The following SYDE2 variants were observed in gnomAD, a reference collection of about 807,000 sequenced individuals.
SYDE2 encodes synapse defective Rho GTPase homolog 2.
SYDE2 carries 76 observed loss-of-function variants against 91.5 expected under a neutral mutation model. The observed-to-expected ratio is 0.83, with a 90% confidence interval of 0.69 to 1.01. The LOEUF (loss-of-function observed/expected upper bound fraction) is 1.01. Ranked by LOEUF, SYDE2 falls within the 50% of genes least tolerant of loss-of-function variation. SYDE2 has a pLI of 0.00. For synonymous variants in SYDE2, 513 were observed against 506.4 expected (o/e 1.01, Z -0.18); for missense variants, 1,364 against 1,367.7 (o/e 1.00, Z 0.04).
chr1:85,159,027 G>A lies in SYDE2; in HGVS notation c.3308C>T (p.Thr1103Ile), dbSNP rs776464579. ...SSCGENYFLN[T>I]KENLNDVDYD... ...ATCCACATCATTTAAATTTTCTTTT[G>A]TATTTAAAAAGTAGTTTTCCCCACA... The change falls in exon 7 of 7, where the codon ACA (threonine) becomes ATA (isoleucine). Residue 1103 changes from threonine to isoleucine, a missense_variant. Thr to Ile is a moderately conservative substitution (Grantham distance 89). Transcript: ENST00000341460. 5 of 780,616 alleles carry A rather than the reference G, an allele frequency of 6.4e-6. No individual in the cohort carries two copies. The highest frequency in any genetic ancestry group is 7.2e-6 in the Non-Finnish European group (3 of 417,926). The allele number at this position is 780,616 out of a possible 1,614,324, so 48.4% of individuals were successfully genotyped here. A position where few individuals can be genotyped will look rare whatever the true frequency, so the allele number is the denominator to read the frequency against.
rs760136371 is a variant in SYDE2 at position 85,200,375 on chromosome 1, G to A, written c.622C>T (p.Arg208Cys). The change falls in exon 1 of 7, where the codon CGT becomes TGT. Residue 208 changes from arginine (R) to cysteine (C), a missense_variant. Coordinates refer to ENST00000341460, the MANE Select transcript of SYDE2 (RefSeq NM_032184.2). ...ACTTTGGGAGCCGTCCCACGGGCAC[G>A]ACCCTTCATTCCCAGGGACAGCAGA... ...GRLLSLGMKG[R>C]ARGTAPKVTG... The A allele has an allele frequency of 3.1e-6, 5 of 1,614,024 alleles. No homozygotes were observed. The South Asian group carries it at 4.4e-5, about 14-fold the overall frequency.
chr1:85,175,602 T>C (rs1262560515), intron 4 of SYDE2, among the ~76,000 whole-genome samples: 1 of 152,236 alleles, frequency 6.6e-6, no homozygotes, highest in African/African-American at 2.4e-5. Context: ...ACAAACCAAC[T>C]ACTAAAAACA....
intron 1 of SYDE2, among the ~76,000 whole-genome samples, chr1:85,198,077 C>G (rs1054947097): frequency 6.6e-6 from 1 of 152,178 alleles, no homozygotes; most frequent in African/African-American, 2.4e-5. Context: ...TCAATCCAAG[C>G]AATTTAATAG....
chr1:85,161,071 AC>A (rs773565565), intron 6 of SYDE2: 71 of 984,924 alleles, frequency 7.2e-5, no homozygotes, highest in Non-Finnish European at 7.7e-5. Context: ...GCTAATTTTA[AC>A]CTCAAAAGTT....
In SYDE2 at chr1:85,178,156, A is replaced by C. The variant is rs1371890989; in HGVS notation, c.2661T>G (p.Asn887Lys). 3.2e-5 allele frequency: 51 copies of C among 1,572,768 alleles called. No individual in the cohort carries two copies. The highest frequency in any genetic ancestry group is 4.1e-5 in the Non-Finnish European group (48 of 1,157,690). Residue 887 changes from asparagine (N) to lysine (K), a missense_variant, in exon 4 of 7, where the codon AAT becomes AAG. Physicochemically the swap from Asn to Lys is moderately conservative, Grantham distance 94 (BLOSUM62 0). Coordinates refer to ENST00000341460, the MANE Select transcript of SYDE2 (RefSeq NM_032184.2). The stretch of plus-strand genomic sequence containing the variant: ...AAATCTATTTATTACCTGTTATTAC[A>C]TTTATATCTGGGTACTGGTTTTCAC... ...GLCENQYPDI[N>K]VITGVLKDYL...
Position 85,158,070 on chromosome 1 carries a change from G to T in SYDE2, c.*680C>A, listed in dbSNP as rs183225646. On this transcript the variant is annotated 3_prime_UTR_variant, in exon 7 of 7. Coordinates refer to ENST00000341460, the MANE Select transcript of SYDE2 (RefSeq NM_032184.2). Reference sequence around the variant, plus strand: ...ACTGCAAATCAGACTGAGCAGCTGTGATGTTCCTCTAAAAGAACATCTAGA... The same window carrying T: ...ACTGCAAATCAGACTGAGCAGCTGTTATGTTCCTCTAAAAGAACATCTAGA... 8.9e-3 allele frequency: 1,353 copies of T among 152,302 alleles called. 8 individuals are homozygous for T. The highest frequency in any genetic ancestry group is 0.024 in the Middle Eastern group (7 of 294). 9.4% of individuals were successfully genotyped at this position (152,302 alleles called of 1,614,324 possible).
downstream of SYDE2, chr1:85,153,382 T>G (rs910811736): frequency 3.9e-5 from 6 of 152,164 alleles, no homozygotes; most frequent in Non-Finnish European, 7.3e-5. Context: ...TGTTGATGGC[T>G]GGGATATACA....
intron 1 of SYDE2, among the ~76,000 whole-genome samples, chr1:85,194,290 G>C (rs1658494952): frequency 1.3e-5 from 2 of 150,830 alleles, no homozygotes; most frequent in African/African-American, 4.8e-5. Flanking sequence ...ATAAATTTAA[G>C]AGTTTTAGCT....
intron 4 of SYDE2, among the ~76,000 whole-genome samples, chr1:85,169,781 T>C (rs754128037): frequency 6.6e-5 from 10 of 152,146 alleles, no homozygotes; most frequent in Non-Finnish European, 2.9e-5. Context: ...GAAAAAATCA[T>C]TCCTAAAACC....
At chr1:85,170,824 T>C (rs1035776110) in intron 4 of SYDE2, among the ~76,000 whole-genome samples, 1 of 152,350 alleles carries the variant, frequency 6.6e-6, no homozygotes, top group Admixed American at 6.5e-5. Context: ...ATTCAGTCTC[T>C]TACAGATGGA....
intron 3 of SYDE2, chr1:85,181,317 AATTTTTGT>A (rs1657912580): frequency 6.6e-6 from 1 of 152,056 alleles, no homozygotes. Context: ...ATGTCGGGCT[AATTTTTGT>A]ATTTTTAGTA....
intron 6 of SYDE2, chr1:85,160,477 A>C (rs922822798): frequency 2.1e-6 from 2 of 965,614 alleles, no homozygotes; most frequent in African/African-American, 3.5e-5. Flanking sequence ...TCTTGATCTA[A>C]AATTTTCTAG....
Position 85,183,089 on chromosome 1 carries a change from TC to T in SYDE2, c.1552del (p.Asp518IlefsTer3), listed in dbSNP as rs1369285471. ...CACAGTTCGTGGAGATTTTATTTTA[TC>T]TGGCAATGACCAATTAATTGAACTG... ...KGSSINWSLPDKIKSPRTVRK... is the reference protein window; with the variant it reads ...KGSSINWSLPXKIKSPRTVRK... On this transcript the variant is annotated frameshift_variant, in exon 3 of 7. Coordinates refer to ENST00000341460, the MANE Select transcript of SYDE2 (RefSeq NM_032184.2). LOFTEE classifies it high-confidence loss of function. 4 of 1,613,600 alleles carry T rather than the reference TC, an allele frequency of 2.5e-6. No individual in the cohort carries two copies. The highest frequency in any genetic ancestry group is 3.4e-6 in the Non-Finnish European group (4 of 1,179,786).
At chr1:85,175,344 C>CA (rs1253054634) in intron 4 of SYDE2, among the ~76,000 whole-genome samples, 3 of 151,982 alleles carry the variant, frequency 2.0e-5, no homozygotes, top group African/African-American at 7.3e-5. Context: ...TACTAAAATA[C>CA]AAAAAACTAG....
intron 1 of SYDE2, chr1:85,194,655 T>A (rs909019216): frequency 2.4e-5 from 5 of 210,308 alleles, no homozygotes; most frequent in Non-Finnish European, 4.1e-5. Flanking sequence ...AATTTTACTT[T>A]GAATCTGTAA....
At chr1:85,195,538 C>A (rs1182595861) in intron 1 of SYDE2, among the ~76,000 whole-genome samples, 1 of 151,390 alleles carries the variant, frequency 6.6e-6, no homozygotes, top group Non-Finnish European at 1.5e-5. Context: ...TTTTTATTTT[C>A]ATTCCCTTGT....
chr1:85,174,406 C>T (rs1211945344), intron 4 of SYDE2, among the ~76,000 whole-genome samples: 1 of 151,992 alleles, frequency 6.6e-6, no homozygotes, highest in Non-Finnish European at 1.5e-5. Flanking sequence ...GAACATTTAC[C>T]ACAAAAGACC....
Position 85,160,135 on chromosome 1 carries a change from T to C in SYDE2, c.3086-886A>G, listed in dbSNP as rs997130334. The C allele has an allele frequency of 3.0e-6, 3 of 985,052 alleles. No individual in the cohort carries two copies. The African/African-American group carries it at 5.2e-5, about 17-fold the overall frequency. 61.0% of individuals were successfully genotyped at this position (985,052 alleles called of 1,614,324 possible). A position where few individuals can be genotyped will look rare whatever the true frequency, so the allele number is the denominator to read the frequency against. On this transcript the variant is annotated intron_variant, in intron 6 of 6. Transcript: ENST00000341460. ...TTAAAGATTACCCATAATATCTTTC[T>C]CTTTCTGCATGAATAAGTGCCCCTT...
intron 6 of SYDE2, chr1:85,160,215 T>C: frequency 4.1e-6 from 4 of 978,746 alleles, no homozygotes; most frequent in Non-Finnish European, 4.9e-6. Flanking sequence ...CACACCAACT[T>C]TATACTCTCC....
Sources: gnomAD v4.1 joint callset for allele counts (sites outside exome capture counted in the v4.1 genomes callset) on GRCh38, gnomAD v4.1.1 for gene constraint, MANE v1.5 for transcripts, NCBI Gene and HGNC (gene_info 2026-07-23, HGNC 2026-07-21) for gene names.